Variants in NNMT observed in about 807,000 individuals in gnomAD.
NNMT encodes the protein nicotinamide N-methyltransferase.
NNMT carries 10 observed loss-of-function variants against 11.7 expected under a neutral mutation model. That is an observed-to-expected ratio of 0.85 (90% CI 0.53 to 1.45). The LOEUF (loss-of-function observed/expected upper bound fraction) is 1.45, where lower values mean the gene tolerates loss of function less well. NNMT is among the 40% of genes most tolerant of loss of function. NNMT has a pLI of 0.00. For missense variants in NNMT, 381 were observed against 319.4 expected, an observed-to-expected ratio of 1.19 and a Z score of -1.47; for synonymous variants, 143 against 133.8, an observed-to-expected ratio of 1.07 and a Z score of -0.48.
chr11:114,295,206 G>A (rs1306515877), upstream of NNMT, among the ~76,000 whole-genome samples: 3 of 152,156 alleles, frequency 2.0e-5, no homozygotes, highest in African/African-American at 4.8e-5. Context: ...CCTTCCCAAG[G>A]TGGGACACCC....
intron 2 of NNMT, among the ~76,000 whole-genome samples, chr11:114,311,681 G>A (rs548765367): frequency 1.3e-5 from 2 of 152,258 alleles, no homozygotes; most frequent in South Asian, 4.1e-4. Flanking sequence ...GATGGATCAA[G>A]TATAATAATA....
intron 2 of NNMT, among the ~76,000 whole-genome samples, chr11:114,276,792 C>CCCTA (rs1268054749): frequency 3.3e-5 from 5 of 152,332 alleles, no homozygotes; most frequent in Non-Finnish European, 7.3e-5. Context: ...AATACTGCAG[C>CCCTA]CCTACCCCAT....
intron 1 of NNMT, among the ~76,000 whole-genome samples, chr11:114,259,731 C>T (rs946106256): frequency 6.6e-6 from 1 of 152,184 alleles, no homozygotes; most frequent in African/African-American, 2.4e-5. Context: ...GACTCTGCCG[C>T]CCTGCAGCCC....
At chr11:114,291,164 T>C (rs1429890298) in intron 2 of NNMT, among the ~76,000 whole-genome samples, 1 of 152,238 alleles carries the variant, frequency 6.6e-6, no homozygotes, top group African/African-American at 2.4e-5. Context: ...CAATAAATAC[T>C]ACCTATTTTG....
intron 2 of NNMT, among the ~76,000 whole-genome samples, chr11:114,307,134 C>T (rs111859645): frequency 0.016 from 2,414 of 152,198 alleles, 56 homozygotes; most frequent in African/African-American, 0.052. Flanking sequence ...CCTTATCTCC[C>T]CAGGAAAATT....
chr11:114,305,906 T>C (rs938791384), intron 2 of NNMT, among the ~76,000 whole-genome samples: 1 of 152,160 alleles, frequency 6.6e-6, no homozygotes, highest in African/African-American at 2.4e-5. Context: ...TAGTTCTAGA[T>C]CCCTGAGGAA....
chr11:114,301,170 C>T (rs1023058502), intron 2 of NNMT, among the ~76,000 whole-genome samples: 2 of 152,012 alleles, frequency 1.3e-5, no homozygotes, highest in Admixed American at 1.3e-4. Context: ...ATGGTGTAGC[C>T]ATTTTGGAAG....
chr11:114,291,090 C>A (rs1045839197), intron 2 of NNMT, among the ~76,000 whole-genome samples: 1 of 152,168 alleles, frequency 6.6e-6, no homozygotes, highest in East Asian at 1.9e-4. Flanking sequence ...TAGACTGTTA[C>A]AATGATTAAA....
At position 114,305,366 on chromosome 11, in the gene NNMT, T is replaced by C. The variant is rs141833529; in HGVS notation, c.363-6679T>C. Among the ~76,000 whole-genome samples, 208 of 151,948 alleles carry C rather than the reference T, an allele frequency of 1.4e-3. 1 individual carries two copies. The highest frequency in any genetic ancestry group is 4.8e-3 in the African/African-American group (201 of 41,460). ...CTTTTTTTTTTTTAATTTTTTATTATACTTTAAGTTCTAGGGTACATGTGC... is the reference window on the plus strand; with the variant it reads ...CTTTTTTTTTTTTAATTTTTTATTACACTTTAAGTTCTAGGGTACATGTGC... On this transcript the variant is annotated intron_variant, in intron 2 of 2. Transcript: ENST00000299964.
In NNMT at chr11:114,312,674, A is replaced by G. The variant is rs1015059364; in HGVS notation, c.*197A>G. ...GGTGCTGCACACAAATGTTGGTGCT[A>G]TGGGACCCAAAGATGAGCAATTAGT... On this transcript the variant is annotated 3_prime_UTR_variant, in exon 3 of 3. Coordinates refer to ENST00000299964, the MANE Select transcript of NNMT (RefSeq NM_006169.3). 2 of 564,154 alleles carry G rather than the reference A, an allele frequency of 3.5e-6. No homozygotes were observed. The highest frequency in any genetic ancestry group is 3.1e-5 in the Admixed American group (1 of 32,744). 34.9% of individuals were successfully genotyped at this position (564,154 alleles called of 1,614,324 possible).
At chr11:114,299,660 C>G (rs187258256) in intron 2 of NNMT, among the ~76,000 whole-genome samples, 1 of 152,086 alleles carries the variant, frequency 6.6e-6, no homozygotes, top group African/African-American at 2.4e-5. Flanking sequence ...AATTTTTGTG[C>G]GAGAGAAGAC....
At chr11:114,312,019 A>C (rs779919369) in intron 2 of NNMT, 26 bp from the exon 3 acceptor site, 1 of 1,528,580 alleles carries the variant, frequency 6.5e-7, no homozygotes, top group East Asian at 2.3e-5. Context: ...AGTGGAAAAC[A>C]ATGTCTGTGG....
upstream of NNMT, chr11:114,296,249 C>A (rs1339412188): frequency 1.3e-5 from 3 of 234,840 alleles, no homozygotes; most frequent in African/African-American, 4.4e-5. Flanking sequence ...CAATCCCTGG[C>A]GGCTGGCCTT....
chr11:114,268,768 CAAAAAAA>C (rs34012236), intron 2 of NNMT, among the ~76,000 whole-genome samples: 1 of 69,648 alleles, frequency 1.4e-5, no homozygotes, highest in Non-Finnish European at 2.9e-5. Context: ...GACTCCGTCT[CAAAAAAA>C]AAAAAAAAAA....
chr11:114,277,300 C>T (rs916465789), intron 2 of NNMT, among the ~76,000 whole-genome samples: 4 of 152,014 alleles, frequency 2.6e-5, no homozygotes, highest in African/African-American at 7.2e-5. Context: ...CCAGGGTTAT[C>T]GTAAGACCCC....
intron 2 of NNMT, among the ~76,000 whole-genome samples, chr11:114,266,658 C>T (rs1233913410): frequency 6.6e-6 from 1 of 151,446 alleles, no homozygotes; most frequent in Non-Finnish European, 1.5e-5. Context: ...TTGAATGTGT[C>T]CCCCAGAAGT....
intron 2 of NNMT, among the ~76,000 whole-genome samples, chr11:114,272,425 G>C (rs1354532583): frequency 6.6e-6 from 1 of 152,228 alleles, no homozygotes; most frequent in Non-Finnish European, 1.5e-5. Context: ...GGCAGGGTTA[G>C]AGAGGGAGGT....
At chr11:114,284,973 G>T (rs981641110) in intron 2 of NNMT, among the ~76,000 whole-genome samples, 3 of 151,580 alleles carry the variant, frequency 2.0e-5, no homozygotes, top group Non-Finnish European at 4.4e-5. Context: ...TCATCATGTT[G>T]GCGAGGCTGG....
At chr11:114,265,873 C>T (rs1408533162) in intron 2 of NNMT, among the ~76,000 whole-genome samples, 1 of 152,116 alleles carries the variant, frequency 6.6e-6, no homozygotes, top group Non-Finnish European at 1.5e-5. Context: ...GCCAAGTCTC[C>T]TTGTCAACTT....
Sources: allele counts gnomAD v4.1 joint callset (sites outside exome capture counted in the v4.1 genomes callset), GRCh38; gene constraint gnomAD v4.1.1; transcripts MANE v1.5; gene names NCBI Gene and HGNC (gene_info 2026-07-23, HGNC 2026-07-21).